NREP: variants seen among roughly 807,000 people sequenced by gnomAD.
The protein encoded by NREP is neuronal regeneration-related protein.
Under a neutral mutation model 8.6 loss-of-function variants are expected in NREP, and 5 were observed. That is an observed-to-expected ratio of 0.58 (90% CI 0.30 to 1.22). The LOEUF (loss-of-function observed/expected upper bound fraction) is 1.22. NREP is among the 50% of genes most tolerant of loss of function. The pLI is 0.07. For missense variants in NREP, 86 were observed against 82.5 expected (o/e 1.04, Z -0.17); for synonymous variants, 27 against 28.0 (o/e 0.96, Z 0.11).
chr5:111,933,096 C>G (rs1755588505), intron 2 of NREP, among the ~76,000 whole-genome samples: 1 of 152,092 alleles, frequency 6.6e-6, no homozygotes, highest in African/African-American at 2.4e-5. Flanking sequence ...TTTTTTGACT[C>G]TTAAAATCAA....
chr5:111,945,286 T>C (rs1291675307), intron 2 of NREP, among the ~76,000 whole-genome samples: 1 of 150,314 alleles, frequency 6.7e-6, no homozygotes, highest in African/African-American at 2.4e-5. Context: ...TATAAAGAAC[T>C]TTTTTTTTAT....
chr5:111,824,085 T>A (rs1209403097), intron 2 of NREP, among the ~76,000 whole-genome samples: 2 of 152,176 alleles, frequency 1.3e-5, no homozygotes, highest in Non-Finnish European at 2.9e-5. Context: ...AAGAAATATG[T>A]TTTAGCCCGG....
At chr5:111,793,342 T>C (rs1250647153) in intron 2 of NREP, among the ~76,000 whole-genome samples, 1 of 152,060 alleles carries the variant, frequency 6.6e-6, no homozygotes, top group African/African-American at 2.4e-5. Flanking sequence ...CAGTGTAATT[T>C]AGTATGAGTC....
At chr5:111,828,220 G>C (rs1752674314) in intron 2 of NREP, among the ~76,000 whole-genome samples, 1 of 152,056 alleles carries the variant, frequency 6.6e-6, no homozygotes, top group Non-Finnish European at 1.5e-5. Flanking sequence ...AGTAGAGATG[G>C]GGTTTCTCTG....
At chr5:111,754,006 A>G (rs562423261) in intron 2 of NREP, among the ~76,000 whole-genome samples, 107 of 152,342 alleles carry the variant, frequency 7.0e-4, no homozygotes, top group African/African-American at 2.5e-3. Context: ...CCCACAGACA[A>G]TAACTGTCAG....
intron 2 of NREP, among the ~76,000 whole-genome samples, chr5:111,928,356 T>G (rs1755446937): frequency 1.3e-5 from 2 of 152,154 alleles, no homozygotes; most frequent in African/African-American, 4.8e-5. Context: ...TTTTAGAAAT[T>G]GTCTTTCCTT....
At chr5:111,836,265 G>A (rs1752891181) in intron 2 of NREP, among the ~76,000 whole-genome samples, 1 of 152,082 alleles carries the variant, frequency 6.6e-6, no homozygotes, top group African/African-American at 2.4e-5. Flanking sequence ...AACAGGCAAA[G>A]ATGAAGTATT....
intron 2 of NREP, among the ~76,000 whole-genome samples, chr5:111,770,695 G>A (rs59528662): frequency 1.3e-4 from 19 of 149,848 alleles, no homozygotes; most frequent in East Asian, 2.0e-4. Flanking sequence ...TTAGCCTTCC[G>A]AGTACCCTGG....
At chr5:111,742,514 GT>G (rs1217498475) in intron 2 of NREP, among the ~76,000 whole-genome samples, 1 of 152,056 alleles carries the variant, frequency 6.6e-6, no homozygotes, top group East Asian at 1.9e-4. Flanking sequence ...TATTCTGCTT[GT>G]TTGGCTGCTG....
In NREP at chr5:111,889,380, G is replaced by A. The variant is rs1754339946; in HGVS notation, c.135+85894C>T. On this transcript the variant is annotated intron_variant, in intron 2 of 3. Transcript: ENST00000395634. ...AAGGTGGCACTAAACCACTCATGAG[G>A]TATATACCCCCATGATCCTATCACC... Among the ~76,000 whole-genome samples the A allele has an allele frequency of 5.3e-5, 8 of 152,224 alleles. No individual in the cohort carries two copies. The South Asian group carries it at 1.7e-3, about 32-fold the overall frequency.
chr5:111,870,792 G>A (rs2112495693), intron 2 of NREP, among the ~76,000 whole-genome samples: 1 of 152,240 alleles, frequency 6.6e-6, no homozygotes, highest in Middle Eastern at 3.4e-3. Flanking sequence ...GCAGCTGCAA[G>A]CCAAGGACTG....
chr5:111,831,297 C>T (rs1255130573), intron 2 of NREP, among the ~76,000 whole-genome samples: 1 of 152,170 alleles, frequency 6.6e-6, no homozygotes, highest in Non-Finnish European at 1.5e-5. Flanking sequence ...TTTCTCTCCT[C>T]CACTGACATC....
chr5:111,944,131 G>C (rs924731799), intron 2 of NREP, among the ~76,000 whole-genome samples: 2 of 152,000 alleles, frequency 1.3e-5, no homozygotes, highest in Non-Finnish European at 2.9e-5. Context: ...TAGTATATTG[G>C]ATGAGGGATG....
intron 2 of NREP, among the ~76,000 whole-genome samples, chr5:111,902,906 A>C (rs1754680114): frequency 6.6e-6 from 1 of 152,072 alleles, no homozygotes; most frequent in South Asian, 2.1e-4. Flanking sequence ...TTCAGTTAAT[A>C]ATGTAAAAAC....
intron 2 of NREP, among the ~76,000 whole-genome samples, chr5:111,936,819 T>C (rs751243235): frequency 3.9e-5 from 6 of 152,084 alleles, no homozygotes; most frequent in Non-Finnish European, 8.8e-5. Flanking sequence ...GTTAGAACTG[T>C]ACTAATAATG....
chr5:111,970,227 A>ATT (rs142291364), intron 2 of NREP, among the ~76,000 whole-genome samples: 2 of 151,708 alleles, frequency 1.3e-5, no homozygotes, highest in Admixed American at 6.6e-5. Context: ...TGTGGTTCTA[A>ATT]TTTTTTTTTG....
At chr5:111,731,282 T>C (rs987020142) in intron 3 of NREP, among the ~76,000 whole-genome samples, 1 of 152,148 alleles carries the variant, frequency 6.6e-6, no homozygotes, top group Admixed American at 6.5e-5. Context: ...TTCAGTAGAA[T>C]GAAGTGCTTC....
chr5:111,829,329 A>G (rs1415045027), intron 2 of NREP, among the ~76,000 whole-genome samples: 1 of 152,194 alleles, frequency 6.6e-6, no homozygotes, highest in Admixed American at 6.5e-5. Flanking sequence ...TGGCAGCCAC[A>G]TGGAGGAAGA....
At chr5:111,966,110 A>G (rs1251583051) in intron 2 of NREP, among the ~76,000 whole-genome samples, 1 of 152,238 alleles carries the variant, frequency 6.6e-6, no homozygotes, top group Non-Finnish European at 1.5e-5. Flanking sequence ...GGCAAGAAAT[A>G]TTAAAGATTC....
Sources: allele counts gnomAD v4.1 joint callset (sites outside exome capture counted in the v4.1 genomes callset), GRCh38; gene constraint gnomAD v4.1.1; transcripts MANE v1.5; gene names NCBI Gene and HGNC (gene_info 2026-07-23, HGNC 2026-07-21).